COCH: variants seen among roughly 807,000 people sequenced by gnomAD.
COCH encodes the protein coagulation factor C homolog, cochlin (Limulus polyphemus).
Under a neutral mutation model 54.8 loss-of-function variants are expected in COCH, and 40 were observed. That is an observed-to-expected ratio of 0.73 (90% CI 0.57 to 0.95). COCH has a LOEUF of 0.95. Ranked by LOEUF, COCH falls within the 40% of genes least tolerant of loss-of-function variation. The pLI is 0.00. For synonymous variants in COCH, 256 were observed against 237.9 expected (o/e 1.08, Z -0.70); for missense variants, 605 against 675.0 (o/e 0.90, Z 1.15).
At chr14:30,886,371 G>A (rs1895793547) in intron 11 of COCH, 59 bp downstream of exon 11, 2 of 1,577,662 alleles carry the variant, frequency 1.3e-6, no homozygotes, top group Admixed American at 1.7e-5. Context: ...GTGAATTTAG[G>A]AGTAAATAAA....
intron 11 of COCH, chr14:30,888,971 C>T (rs1307870494): frequency 6.6e-6 from 1 of 152,638 alleles, no homozygotes; most frequent in African/African-American, 2.4e-5. Flanking sequence ...TAAGATCCCT[C>T]TTGGGCAGTA....
chr14:30,882,699 G>A (rs1477771540), intron 8 of COCH, among the ~76,000 whole-genome samples: 1 of 152,052 alleles, frequency 6.6e-6, no homozygotes, highest in Non-Finnish European at 1.5e-5. Context: ...ATTTCTAAAA[G>A]TGAGGTTCTG....
Position 30,882,120 on chromosome 14 carries a change from G to GTTTTTT in COCH, c.629+1408_629+1413dup, listed in dbSNP as rs61175020. 9.0e-3 allele frequency among the ~76,000 whole-genome samples: 608 copies of GTTTTTT among 67,870 alleles called. 107 individuals carry two copies. The highest frequency in any genetic ancestry group is 0.019 in the African/African-American group (282 of 15,180). 44.5% of individuals were successfully genotyped at this position (67,870 alleles called of 152,430 possible). Reference sequence around the variant, plus strand: ...CCCTAGAGATAATCACTATAAAATGGTTTTTTTTTTTTTTTTTTTTTTTTT... The same window carrying GTTTTTT: ...CCCTAGAGATAATCACTATAAAATGGTTTTTTTTTTTTTTTTTTTTTTTTTTTTTTT... On this transcript the variant is annotated intron_variant, in intron 8 of 11. Coordinates refer to ENST00000396618, the MANE Select transcript of COCH (RefSeq NM_004086.3).
In COCH at chr14:30,886,318, G is replaced by A. The variant is rs1329224792; in HGVS notation, c.1477+6G>A. ...AGCTGCTGCACATGATGCAGGTAAG[G>A]TCCTTGTTCTTTATAGGAGAAGGGA... On this transcript the variant is annotated splice_donor_region_variant and intron_variant, in intron 11 of 11. Transcript: ENST00000396618. 6.2e-7 allele frequency: 1 copy of A among 1,613,922 alleles called. No individual in the cohort carries two copies. Among genetic ancestry groups the A allele is most frequent in the East Asian group, 2.2e-5 (1 of 44,900 alleles).
At chr14:30,890,896 G>A (rs1011707769), downstream of COCH, among the ~76,000 whole-genome samples, 7 of 151,888 alleles carry the variant, frequency 4.6e-5, no homozygotes, top group African/African-American at 9.7e-5. Context: ...AAAATTAGCC[G>A]GGTGGGATGG....
Position 30,877,403 on chromosome 14 carries a change from T to C in COCH, c.83-169T>C. On this transcript the variant is annotated intron_variant, in intron 3 of 11. Transcript: ENST00000396618. The surrounding 1 kb of genome is among the most constrained non-coding windows in gnomAD (Gnocchi z 8.6). ...ACTATATTAAATTGGAAAACAACCT[T>C]GTGGCTTGCCAAAATCTGGAATGGT... is the stretch of plus-strand genomic sequence containing the variant. 1 of 765,166 alleles carries C rather than the reference T, an allele frequency of 1.3e-6. No homozygotes were observed. The highest frequency in any genetic ancestry group is 1.7e-5 in the African/African-American group (1 of 57,390). 47.4% of individuals were successfully genotyped at this position (765,166 alleles called of 1,614,324 possible).
Position 30,880,408 on chromosome 14 carries a change from A to G in COCH, c.437-44A>G, listed in dbSNP as rs369962252. 28 of 1,610,128 alleles carry G rather than the reference A, an allele frequency of 1.7e-5. No individual in the cohort carries two copies. The African/African-American group carries it at 3.7e-4, about 22-fold the overall frequency. ...TCCCCATGTGGGTTTCTTGCTATGTAACTGTCTTCCTTTTGTTAATGCCAA... is the reference window on the plus strand; with the variant it reads ...TCCCCATGTGGGTTTCTTGCTATGTGACTGTCTTCCTTTTGTTAATGCCAA... On this transcript the variant is annotated intron_variant, in intron 6 of 11. Transcript: ENST00000396618.
rs1289580170 is a variant in COCH, at chr14:30,890,499, T to A, written c.*708T>A. 2.3e-5 allele frequency: 21 copies of A among 927,186 alleles called. No homozygotes were observed. The highest frequency in any genetic ancestry group is 2.7e-5 in the Non-Finnish European group (21 of 777,184). 57.4% of individuals were successfully genotyped at this position (927,186 alleles called of 1,614,324 possible). ...GTCACCTAAGTACTTAAAAGTTAAG[T>A]TGGTAAAGTATTTACTGACTGCTTA... is the stretch of plus-strand genomic sequence containing the variant. On this transcript the variant is annotated 3_prime_UTR_variant, in exon 12 of 12. Coordinates refer to ENST00000396618, the MANE Select transcript of COCH (RefSeq NM_004086.3).
At chr14:30,894,898 T>C, downstream of COCH, 2 of 1,050,054 alleles carry the variant, frequency 1.9e-6, no homozygotes, top group South Asian at 1.6e-5. Flanking sequence ...TTTTTCTTTT[T>C]TTTTTTTTTT....
intron 8 of COCH, among the ~76,000 whole-genome samples, chr14:30,881,804 A>C (rs552944683): frequency 1.1e-5 from 1 of 93,100 alleles, no homozygotes; most frequent in African/African-American, 4.3e-5. Context: ...TAAAAATACA[A>C]AAAAAAAAAA....
Position 30,890,403 on chromosome 14 carries a change from G to T in COCH, c.*612G>T, listed in dbSNP as rs541766600. ...AATATCACACTGAATAAGAGAGCAG[G>T]ATTGCCAGGTATTTTTCTATTTCTC... On this transcript the variant is annotated 3_prime_UTR_variant, in exon 12 of 12. Coordinates refer to ENST00000396618, the MANE Select transcript of COCH (RefSeq NM_004086.3). 3.0e-4 allele frequency: 297 copies of T among 983,614 alleles called. 4 individuals carry two copies. In the South Asian group the frequency reaches 0.012, roughly 41 times the overall value. The allele number at this position is 983,614 out of a possible 1,614,324, so 60.9% of individuals were successfully genotyped here. A position where few individuals can be genotyped will look rare whatever the true frequency, so the allele number is the denominator to read the frequency against.
chr14:30,895,467 A>T (rs1896116958), downstream of COCH: 1 of 1,613,914 alleles, frequency 6.2e-7, no homozygotes, highest in African/African-American at 1.3e-5. Flanking sequence ...TATGCTTTTG[A>T]CGAGTGGAAA....
rs1020612507 is a variant in COCH, at chr14:30,890,402, G to C, written c.*611G>C. 1 of 983,632 alleles carries C rather than the reference G, an allele frequency of 1.0e-6. No individual in the cohort carries two copies. The highest frequency in any genetic ancestry group is 1.2e-6 in the Non-Finnish European group (1 of 828,602). 60.9% of individuals were successfully genotyped at this position (983,632 alleles called of 1,614,324 possible). On this transcript the variant is annotated 3_prime_UTR_variant, in exon 12 of 12. Coordinates refer to ENST00000396618, the MANE Select transcript of COCH (RefSeq NM_004086.3). Reference sequence around the variant, plus strand: ...AAATATCACACTGAATAAGAGAGCAGGATTGCCAGGTATTTTTCTATTTCT... The same window carrying C: ...AAATATCACACTGAATAAGAGAGCACGATTGCCAGGTATTTTTCTATTTCT...
chr14:30,880,018 A>AC (rs1895515608), intron 6 of COCH, among the ~76,000 whole-genome samples: 1 of 152,132 alleles, frequency 6.6e-6, no homozygotes, highest in Non-Finnish European at 1.5e-5. Flanking sequence ...ACGCCTAAGA[A>AC]CTGGTCAAAG....
chr14:30,877,354 A>G lies in COCH; in HGVS notation c.83-218A>G, dbSNP rs993474497. The G allele has an allele frequency of 1.8e-6, 1 of 570,760 alleles. No individual in the cohort carries two copies. The highest frequency in any genetic ancestry group is 3.0e-6 in the Non-Finnish European group (1 of 330,156). 35.4% of individuals were successfully genotyped at this position (570,760 alleles called of 1,614,324 possible). ...CGAAATAAAAACCCAGAACTTTCAC[A>G]TTAGAGTTTTATAGTGGCTGGGGAC... On this transcript the variant is annotated intron_variant, in intron 3 of 11. Coordinates refer to ENST00000396618, the MANE Select transcript of COCH (RefSeq NM_004086.3). The surrounding 1 kb of genome is among the most constrained non-coding windows in gnomAD (Gnocchi z 8.6).
intron 11 of COCH, among the ~76,000 whole-genome samples, chr14:30,888,709 T>C (rs367863455): frequency 6.6e-6 from 1 of 151,480 alleles, no homozygotes; most frequent in South Asian, 2.1e-4. Context: ...GAGGATAGTT[T>C]GAGCCCAGGA....
chr14:30,874,795 G>A lies in COCH; in HGVS notation c.-23-121G>A, dbSNP rs541609857. On this transcript the variant is annotated intron_variant, in intron 1 of 11. Coordinates refer to ENST00000396618, the MANE Select transcript of COCH (RefSeq NM_004086.3). ...GAGGGGCGCTGGCCTGGAGCAGCGG[G>A]TCGTCTGTGTCCTCTCTCCTCTGCG... 3.5e-5 allele frequency: 31 copies of A among 896,262 alleles called. No homozygotes were observed. The African/African-American group carries it at 4.1e-4, about 12-fold the overall frequency. 55.5% of individuals were successfully genotyped at this position (896,262 alleles called of 1,614,324 possible). A position where few individuals can be genotyped will look rare whatever the true frequency, so the allele number is the denominator to read the frequency against.
chr14:30,880,424 T>C, intron 6 of COCH, 28 bp from the exon 7 acceptor site: 1 of 1,612,812 alleles, frequency 6.2e-7, no homozygotes, highest in Non-Finnish European at 8.5e-7. Context: ...CTTCCTTTTG[T>C]TAATGCCAAG....
At chr14:30,884,929 T>C in intron 9 of COCH, 1 of 1,596,986 alleles carries the variant, frequency 6.3e-7, no homozygotes, top group Non-Finnish European at 8.5e-7. Flanking sequence ...TGGAGAAGTA[T>C]CTCTTTGTAA....
Sources: gnomAD v4.1 joint callset for allele counts (sites outside exome capture counted in the v4.1 genomes callset) on GRCh38, gnomAD v4.1.1 for gene constraint, Gnocchi (gnomAD v3.1) non-coding constraint, MANE v1.5 for transcripts, NCBI Gene and HGNC (gene_info 2026-07-23, HGNC 2026-07-21) for gene names.